Variants in GC observed in about 807,000 individuals in gnomAD.
The protein encoded by GC is vitamin D-binding protein.
A neutral mutation model predicts 56.7 loss-of-function variants in GC; 43 were observed. That is an observed-to-expected ratio of 0.76 (90% CI 0.59 to 0.98). The LOEUF (loss-of-function observed/expected upper bound fraction) is 0.98, where lower values mean the gene tolerates loss of function less well. Among genes scored for constraint, GC ranks in the 50% least tolerant of loss-of-function variants. The pLI is 0.00. For synonymous variants in GC, 216 were observed against 202.7 expected (o/e 1.07, Z -0.56); for missense variants, 529 against 545.9 (o/e 0.97, Z 0.31).
At chr4:71,792,440 T>G (rs1310791341) in intron 1 of GC, among the ~76,000 whole-genome samples, 1 of 150,144 alleles carries the variant, frequency 6.7e-6, no homozygotes, top group African/African-American at 2.4e-5. Flanking sequence ...TTTTTCATGT[T>G]GACTGCATGA....
chr4:71,780,851 G>T (rs1384591194), intron 1 of GC, among the ~76,000 whole-genome samples: 1 of 152,082 alleles, frequency 6.6e-6, no homozygotes, highest in Non-Finnish European at 1.5e-5. Context: ...TCTAGAACTG[G>T]AAATACCATT....
intron 7 of GC, 152 bp downstream of exon 7, chr4:71,757,890 G>A: frequency 1.6e-6 from 1 of 616,164 alleles, no homozygotes; most frequent in Non-Finnish European, 2.7e-6. Flanking sequence ...CACCTGTACA[G>A]TGATGTTAAT....
intron 1 of GC, among the ~76,000 whole-genome samples, chr4:71,776,103 A>G (rs1161199408): frequency 2.6e-5 from 4 of 152,008 alleles, no homozygotes; most frequent in Non-Finnish European, 4.4e-5. Context: ...ATGTTTCTCA[A>G]GAAACTAAAA....
chr4:71,753,122 A>G (rs552544372), intron 10 of GC, among the ~76,000 whole-genome samples: 1 of 152,236 alleles, frequency 6.6e-6, no homozygotes, highest in East Asian at 1.9e-4. Flanking sequence ...GAGTAAGGAA[A>G]TTTTCGCTCT....
At chr4:71,747,847 G>T (rs1741425341) in intron 11 of GC, among the ~76,000 whole-genome samples, 1 of 152,106 alleles carries the variant, frequency 6.6e-6, no homozygotes, top group Admixed American at 6.5e-5. Flanking sequence ...CACAAAAGAA[G>T]AGAGTATGTC....
In GC at chr4:71,798,624, C is replaced by T. The variant is rs1306902844; in HGVS notation, c.21+5302G>A. 2.6e-5 allele frequency among the ~76,000 whole-genome samples: 4 copies of T among 152,188 alleles called. No individual in the cohort carries two copies. The East Asian group carries it at 7.7e-4, about 29-fold the overall frequency. ...GGGGGACTCATTCTCCAAACCCAAT[C>T]TCCTATAGCTTTTATAAGGACTTGG... is the stretch of plus-strand genomic sequence containing the variant. On this transcript the variant is annotated intron_variant, in intron 1 of 13. Coordinates refer to the GC transcript ENST00000504199.
chr4:71,762,408 A>G (rs1399929966), intron 6 of GC, among the ~76,000 whole-genome samples: 1 of 152,198 alleles, frequency 6.6e-6, no homozygotes, highest in Non-Finnish European at 1.5e-5. Flanking sequence ...GCTCATAGGC[A>G]GAAGGGACTT....
chr4:71,805,464 T>C (rs1054136185), upstream of GC, among the ~76,000 whole-genome samples: 2 of 152,134 alleles, frequency 1.3e-5, no homozygotes, highest in Non-Finnish European at 2.9e-5. Context: ...GACACAGGTA[T>C]GCAGTGTAAG....
chr4:71,754,273 T>C (rs916730817), intron 10 of GC, 138 bp downstream of exon 10: 8 of 588,962 alleles, frequency 1.4e-5, no homozygotes, highest in Middle Eastern at 4.6e-4. Context: ...CTGACTACTT[T>C]AAAAAACTCC....
chr4:71,763,706 C>A lies in GC; in HGVS notation c.606+98G>T, dbSNP rs1364494140. 9 of 1,116,692 alleles carry A rather than the reference C, an allele frequency of 8.1e-6. No homozygotes were observed. The East Asian group carries it at 1.7e-4, about 21-fold the overall frequency. The allele number at this position is 1,116,692 out of a possible 1,614,324, so 69.2% of individuals were successfully genotyped here. On this transcript the variant is annotated intron_variant, in intron 5 of 12. Coordinates refer to ENST00000273951, the MANE Select transcript of GC (RefSeq NM_000583.4). ...AGATGCAAGGGTGGCATTTTAGAAA[C>A]TTTTACTGATTGCAAAATCTCAATT...
At chr4:71,805,384 T>C (rs907322591), upstream of GC, among the ~76,000 whole-genome samples, 87 of 152,130 alleles carry the variant, frequency 5.7e-4, no homozygotes, top group African/African-American at 1.9e-3. Flanking sequence ...GCTGAGTTCC[T>C]CATAGGGGAC....
At chr4:71,752,803 A>G (rs961594833) in intron 10 of GC, among the ~76,000 whole-genome samples, 153 bp from the exon 11 acceptor site, 9 of 152,176 alleles carry the variant, frequency 5.9e-5, no homozygotes, top group African/African-American at 2.2e-4. Context: ...GTGGTATAGA[A>G]TAGTCAATTT....
intron 6 of GC, 101 bp downstream of exon 6, chr4:71,763,307 T>A: frequency 1.9e-6 from 1 of 533,166 alleles, no homozygotes; most frequent in Non-Finnish European, 3.2e-6. Flanking sequence ...AAGTCTATTT[T>A]ATATCTTTCA....
intron 3 of GC, among the ~76,000 whole-genome samples, chr4:71,767,089 A>G (rs1043407183): frequency 6.6e-6 from 1 of 152,198 alleles, no homozygotes; most frequent in Non-Finnish European, 1.5e-5. Context: ...AAAATAAAAA[A>G]TATTTATGAA....
chr4:71,787,194 G>A (rs974171557), upstream of GC, among the ~76,000 whole-genome samples: 1 of 151,942 alleles, frequency 6.6e-6, no homozygotes, highest in East Asian at 1.9e-4. Flanking sequence ...ATGCAAATAA[G>A]ACTGTGTTTC....
At chr4:71,758,549 A>G (rs559914660) in intron 6 of GC, among the ~76,000 whole-genome samples, 18 of 152,330 alleles carry the variant, frequency 1.2e-4, no homozygotes, top group African/African-American at 4.3e-4. Flanking sequence ...TGTGTTTTAT[A>G]AATTCTTTTA....
At chr4:71,803,101 T>A (rs1743290382) in intron 1 of GC, among the ~76,000 whole-genome samples, 1 of 152,216 alleles carries the variant, frequency 6.6e-6, no homozygotes, top group Non-Finnish European at 1.5e-5. Flanking sequence ...AATGTGTTGC[T>A]ATGCTTATAC....
At position 71,793,095 on chromosome 4, in the gene GC, G is replaced by A. The variant is rs113237513; in HGVS notation, c.22-9041C>T. Among the ~76,000 whole-genome samples the A allele has an allele frequency of 1.7e-4, 26 of 152,326 alleles. 2 individuals are homozygous for A. Among genetic ancestry groups the A allele is most frequent in the African/African-American group, 6.3e-4 (26 of 41,584 alleles). On this transcript the variant is annotated intron_variant, in intron 1 of 13. Coordinates refer to the GC transcript ENST00000504199. ...AGCATAGTTTGAAGTCAGGTAGCATGATTCTTCCAGCTTTGTTCTTTTTGC... is the reference window on the plus strand; with the variant it reads ...AGCATAGTTTGAAGTCAGGTAGCATAATTCTTCCAGCTTTGTTCTTTTTGC...
Position 71,769,314 on chromosome 4 carries a change from GGCT to G in GC, c.128+14_128+16del. 6.4e-7 allele frequency: 1 copy of G among 1,570,266 alleles called. No homozygotes were observed. The highest frequency in any genetic ancestry group is 8.8e-7 in the Non-Finnish European group (1 of 1,140,648). Reference sequence around the variant, plus strand: ...AGATCAAATCACCAACAGAGTGAGTGGCTGCTGCACACTTACAGAGATGTGAAG... The same window carrying G: ...AGATCAAATCACCAACAGAGTGAGTGGCTGCACACTTACAGAGATGTGAAG... On this transcript the variant is annotated intron_variant, in intron 2 of 12. Coordinates refer to ENST00000273951, the MANE Select transcript of GC (RefSeq NM_000583.4).
Sources: allele counts gnomAD v4.1 joint callset (sites outside exome capture counted in the v4.1 genomes callset), GRCh38; gene constraint gnomAD v4.1.1; transcripts MANE v1.5; gene names NCBI Gene and HGNC (gene_info 2026-07-23, HGNC 2026-07-21).